DTNBP1: variants seen among roughly 807,000 people sequenced by gnomAD.
DTNBP1 encodes dysbindin.
In DTNBP1, 35 loss-of-function variants were observed where a neutral mutation model predicts 42.8. The ratio of observed to expected loss-of-function variants is 0.82; its 90% CI spans 0.63 to 1.09. DTNBP1 has a LOEUF of 1.09. Among genes scored for constraint, DTNBP1 ranks in the 50% least tolerant of loss-of-function variants. The pLI is 0.00. For missense variants in DTNBP1, 457 were observed against 424.2 expected (o/e 1.08, Z -0.68); for synonymous variants, 171 against 162.2 (o/e 1.05, Z -0.41).
intron 7 of DTNBP1, among the ~76,000 whole-genome samples, chr6:15,563,132 A>G (rs2113484106): frequency 6.6e-6 from 1 of 152,202 alleles, no homozygotes; most frequent in East Asian, 1.9e-4. Flanking sequence ...CTCTAGCTGG[A>G]ATCTCTTCCC....
chr6:15,662,513 T>A (rs1450023272), intron 1 of DTNBP1, among the ~76,000 whole-genome samples: 1 of 152,172 alleles, frequency 6.6e-6, no homozygotes, highest in East Asian at 1.9e-4. Context: ...AGGGCCCAGC[T>A]GATGCTGCCG....
At chr6:15,609,654 G>A (rs960494398) in intron 6 of DTNBP1, among the ~76,000 whole-genome samples, 11 of 152,078 alleles carry the variant, frequency 7.2e-5, no homozygotes, top group Non-Finnish European at 1.3e-4. Context: ...TCAGTCTCTC[G>A]TTCTTCTGCA....
At chr6:15,526,245 G>A (rs1302743588) in intron 8 of DTNBP1, among the ~76,000 whole-genome samples, 3 of 152,218 alleles carry the variant, frequency 2.0e-5, no homozygotes, top group Admixed American at 2.0e-4. Flanking sequence ...GTGCAAGAAA[G>A]CATGTTAAGC....
chr6:15,654,330 G>A (rs1185940420), intron 1 of DTNBP1, among the ~76,000 whole-genome samples: 1 of 152,128 alleles, frequency 6.6e-6, no homozygotes, highest in Non-Finnish European at 1.5e-5. Flanking sequence ...CCACTATAAA[G>A]TTTGATCAAA....
At chr6:15,544,612 C>T (rs555869058) in intron 7 of DTNBP1, among the ~76,000 whole-genome samples, 58 of 152,300 alleles carry the variant, frequency 3.8e-4, no homozygotes, top group African/African-American at 1.1e-3. Context: ...AGTATCCCTG[C>T]GCTGAAATCT....
At chr6:15,543,529 T>C (rs1008349942) in intron 7 of DTNBP1, among the ~76,000 whole-genome samples, 9 of 152,220 alleles carry the variant, frequency 5.9e-5, no homozygotes, top group African/African-American at 1.9e-4. Context: ...TAAATTCCTC[T>C]TCAAAGTTTA....
chr6:15,585,833 G>A lies in DTNBP1; in HGVS notation c.511+7226C>T. The stretch of plus-strand genomic sequence containing the variant: ...TGAAGCCTCCAGTTACCAGGCAGCT[G>A]CCCTCACGTGCATCTTCTGGGATGT... On this transcript the variant is annotated intron_variant, in intron 7 of 9. Transcript: ENST00000344537. 5 of 1,497,224 alleles carry A rather than the reference G, an allele frequency of 3.3e-6. No individual in the cohort carries two copies. The South Asian group carries it at 3.9e-5, about 12-fold the overall frequency. The allele number at this position is 1,497,224 out of a possible 1,614,324, so 92.7% of individuals were successfully genotyped here. A position where few individuals can be genotyped will look rare whatever the true frequency, so the allele number is the denominator to read the frequency against.
intron 1 of DTNBP1, among the ~76,000 whole-genome samples, chr6:15,655,054 G>C (rs1010788639): frequency 2.8e-4 from 43 of 152,136 alleles, no homozygotes; most frequent in African/African-American, 1.0e-3. Context: ...GAAAACTGTT[G>C]AATCTCAGCA....
intron 5 of DTNBP1, 69 bp downstream of exon 5, chr6:15,627,274 A>T: frequency 6.3e-7 from 1 of 1,593,240 alleles, no homozygotes; most frequent in Non-Finnish European, 8.5e-7. Flanking sequence ...AAGCTCTGAA[A>T]TTACACCAAA....
At chr6:15,602,415 T>C (rs993513630) in intron 6 of DTNBP1, among the ~76,000 whole-genome samples, 42 of 152,322 alleles carry the variant, frequency 2.8e-4, no homozygotes, top group African/African-American at 9.1e-4. Flanking sequence ...CCAGCTCTCA[T>C]ATCCGTCAAG....
intron 1 of DTNBP1, among the ~76,000 whole-genome samples, chr6:15,653,794 C>T (rs1199823942): frequency 6.6e-6 from 1 of 152,210 alleles, no homozygotes; most frequent in Non-Finnish European, 1.5e-5. Flanking sequence ...CTACTGCTAG[C>T]CCCTACAAAG....
chr6:15,646,790 T>C (rs1036428513), intron 3 of DTNBP1, among the ~76,000 whole-genome samples: 5 of 152,112 alleles, frequency 3.3e-5, no homozygotes, highest in Admixed American at 1.3e-4. Flanking sequence ...ATTCAATAAA[T>C]GGTGCGAGGA....
rs115124380 is a variant in DTNBP1 at position 15,627,004 on chromosome 6, C to T, written c.355+339G>A. 1.8e-3 allele frequency among the ~76,000 whole-genome samples: 274 copies of T among 152,304 alleles called. 2 individuals carry two copies. Among genetic ancestry groups the T allele is most frequent in the African/African-American group, 5.9e-3 (246 of 41,582 alleles). ...TTTAAAAGCAACAATTTCTGGAATACATTCTACAGTAAGGACAAAGTCACC... is the reference window on the plus strand; with the variant it reads ...TTTAAAAGCAACAATTTCTGGAATATATTCTACAGTAAGGACAAAGTCACC... On this transcript the variant is annotated intron_variant, in intron 5 of 9. Coordinates refer to ENST00000344537, the MANE Select transcript of DTNBP1 (RefSeq NM_032122.5).
chr6:15,588,782 T>C (rs1412122994), intron 7 of DTNBP1, among the ~76,000 whole-genome samples: 1 of 152,232 alleles, frequency 6.6e-6, no homozygotes, highest in African/African-American at 2.4e-5. Context: ...AATAAACATA[T>C]ATGCATCTTT....
At chr6:15,529,856 A>G (rs976636121) in intron 8 of DTNBP1, among the ~76,000 whole-genome samples, 1 of 152,260 alleles carries the variant, frequency 6.6e-6, no homozygotes, top group Middle Eastern at 3.2e-3. Flanking sequence ...ATCTAATTAT[A>G]TCCTAACGGC....
At chr6:15,610,096 G>A (rs1307569432) in intron 6 of DTNBP1, among the ~76,000 whole-genome samples, 6 of 152,200 alleles carry the variant, frequency 3.9e-5, no homozygotes, top group Non-Finnish European at 8.8e-5. Context: ...GTGTGTTAGA[G>A]TCAAGTCTGG....
intron 1 of DTNBP1, among the ~76,000 whole-genome samples, chr6:15,662,586 G>A (rs1761710815): frequency 6.6e-6 from 1 of 151,640 alleles, no homozygotes; most frequent in African/African-American, 2.4e-5. Context: ...AGCGCCTCCC[G>A]GTCCTGGGGG....
chr6:15,542,841 A>G (rs1398377556), intron 7 of DTNBP1, among the ~76,000 whole-genome samples: 1 of 152,004 alleles, frequency 6.6e-6, no homozygotes, highest in Non-Finnish European at 1.5e-5. Context: ...CTAAGACTAC[A>G]GATGTGCACA....
chr6:15,661,412 C>A (rs764929112), intron 1 of DTNBP1, among the ~76,000 whole-genome samples: 6 of 152,120 alleles, frequency 3.9e-5, no homozygotes, highest in African/African-American at 9.7e-5. Context: ...GTAATCCCAG[C>A]ACTTTGGGAG....
Sources: allele counts gnomAD v4.1 joint callset (sites outside exome capture counted in the v4.1 genomes callset), GRCh38; gene constraint gnomAD v4.1.1; transcripts MANE v1.5; gene names NCBI Gene and HGNC (gene_info 2026-07-23, HGNC 2026-07-21).